RAG1: variants seen among roughly 807,000 people sequenced by gnomAD.
RAG1 encodes V(D)J recombination-activating protein 1.
A neutral mutation model predicts 62.7 loss-of-function variants in RAG1; 35 were observed. The ratio of observed to expected loss-of-function variants is 0.56; its 90% confidence interval spans 0.43 to 0.74. The LOEUF is 0.74. Among genes scored for constraint, RAG1 ranks in the 30% least tolerant of loss-of-function variants. The probability of loss-of-function intolerance (pLI) is 0.00; values close to 1 mark genes in which losing one functional copy is unlikely to be tolerated. For missense variants in RAG1, 1,169 were observed against 1,278.6 expected (o/e 0.91, Z 1.31); for synonymous variants, 461 against 470.3 (o/e 0.98, Z 0.26).
intron 3 of RAG1, among the ~76,000 whole-genome samples, chr11:36,561,411 G>A (rs1011708360): frequency 1.3e-5 from 2 of 152,178 alleles, no homozygotes; most frequent in Admixed American, 1.3e-4. Context: ...TCACAATCTC[G>A]TTAGCTCTTT....
In RAG1 at chr11:36,557,819, T is replaced by C. The variant is rs193238281; in HGVS notation, c.-411-5566T>C. Among the ~76,000 whole-genome samples the C allele has an allele frequency of 2.0e-5, 3 of 152,354 alleles. No individual in the cohort carries two copies. In the East Asian group the frequency reaches 5.8e-4, roughly 29 times the overall value. On this transcript the variant is annotated intron_variant and NMD_transcript_variant, in intron 3 of 9. Coordinates refer to the RAG1 transcript ENST00000534663. ...TATGTATCCTCAAGTTTTGTTCAAG[T>C]TGGAAACCACTGCATTTTGTCTTTT...
At chr11:36,571,593 G>A (rs1047439600) in intron 1 of RAG1, among the ~76,000 whole-genome samples, 4 of 152,080 alleles carry the variant, frequency 2.6e-5, no homozygotes, top group Non-Finnish European at 4.4e-5. Flanking sequence ...TTAGAAATTT[G>A]CTTTTAATTT....
chr11:36,513,799 T>A (rs999924417), intron 1 of RAG1, among the ~76,000 whole-genome samples: 1 of 152,136 alleles, frequency 6.6e-6, no homozygotes, highest in African/African-American at 2.4e-5. Flanking sequence ...AACCATCAGA[T>A]CTTGTGAGAC....
upstream of RAG1, among the ~76,000 whole-genome samples, chr11:36,563,662 T>C (rs1044791519): frequency 6.6e-6 from 1 of 152,202 alleles, no homozygotes; most frequent in Non-Finnish European, 1.5e-5. Context: ...AATTTAGCAA[T>C]TGTTCTCATT....
intron 3 of RAG1, among the ~76,000 whole-genome samples, chr11:36,541,106 G>A (rs76489063): frequency 0.025 from 3,786 of 152,312 alleles, 133 homozygotes; most frequent in African/African-American, 0.076. Context: ...TAGACAAATA[G>A]CAGGTGAGGA....
intron 1 of RAG1, among the ~76,000 whole-genome samples, chr11:36,571,739 C>T (rs768672996): frequency 1.3e-5 from 2 of 152,000 alleles, no homozygotes; most frequent in Non-Finnish European, 2.9e-5. Flanking sequence ...CTCAGCCTCC[C>T]GAGTAGCTGG....
intron 1 of RAG1, among the ~76,000 whole-genome samples, chr11:36,570,704 A>G (rs907656678): frequency 2.0e-5 from 3 of 152,182 alleles, no homozygotes; most frequent in Admixed American, 6.5e-5. Flanking sequence ...TCATTTGGAT[A>G]CAATCTATTT....
At chr11:36,564,873 G>A (rs564078961), upstream of RAG1, among the ~76,000 whole-genome samples, 1 of 152,120 alleles carries the variant, frequency 6.6e-6, no homozygotes, top group Non-Finnish European at 1.5e-5. Flanking sequence ...TTTCTTTACC[G>A]TCTAAGATGC....
At chr11:36,542,698 CAG>C (rs1329386385) in intron 3 of RAG1, among the ~76,000 whole-genome samples, 5 of 152,126 alleles carry the variant, frequency 3.3e-5, no homozygotes, top group South Asian at 4.1e-4. Context: ...GTACAGAAAA[CAG>C]GGGACTTTCA....
In RAG1 at chr11:36,531,523, T is replaced by C. The variant is rs534862315; in HGVS notation, n.429-4436T>C. 2.6e-5 allele frequency among the ~76,000 whole-genome samples: 4 copies of C among 152,068 alleles called. No homozygotes were observed. In the East Asian group the frequency reaches 7.7e-4, roughly 29 times the overall value. ...CTCTAGGCATTACATTATATATATGTATATATATGATTTATATAAACAGTC... is the reference window on the plus strand; with the variant it reads ...CTCTAGGCATTACATTATATATATGCATATATATGATTTATATAAACAGTC... On this transcript the variant is annotated intron_variant and non_coding_transcript_variant, in intron 2 of 2. Transcript: ENST00000529126.
downstream of RAG1, among the ~76,000 whole-genome samples, chr11:36,540,818 T>A (rs1189894348): frequency 6.6e-6 from 1 of 152,244 alleles, no homozygotes; most frequent in Admixed American, 6.5e-5. Flanking sequence ...TCTTCCCAAA[T>A]AAAATCTTAC....
rs1850821207 is a variant in RAG1 at position 36,575,103 on chromosome 11, A to C, written c.1799A>C (p.Glu600Ala). ...GGCCCCTTCACTGTGGTGGTGAAGG[A>C]GTCTTGTGATGGAATGGGAGACGTG... is the stretch of plus-strand genomic sequence containing the variant. ...LNGPFTVVVK[E>A]SCDGMGDVSE... Residue 600 changes from glutamate to alanine, a missense_variant, in exon 2 of 2, where the codon GAG (glutamate) becomes GCG (alanine). Coordinates refer to ENST00000299440, the MANE Select transcript of RAG1 (RefSeq NM_000448.3). This position sits in a 1 kb window ranked among gnomAD's most constrained non-coding sequence, Gnocchi z 4.1. The C allele has an allele frequency of 1.2e-6, 2 of 1,614,044 alleles. No homozygotes were observed. The highest frequency in any genetic ancestry group is 2.7e-5 in the African/African-American group (2 of 74,930).
At chr11:36,540,305 C>T (rs947033053), downstream of RAG1, among the ~76,000 whole-genome samples, 8 of 152,144 alleles carry the variant, frequency 5.3e-5, no homozygotes, top group East Asian at 1.9e-4. Flanking sequence ...TTTTACTCAC[C>T]GATGTCACTT....
downstream of RAG1, among the ~76,000 whole-genome samples, chr11:36,537,350 G>T (rs937611238): frequency 3.9e-5 from 6 of 152,136 alleles, no homozygotes; most frequent in African/African-American, 1.4e-4. Context: ...ATTTTCGGAG[G>T]TGATAAACAT....
chr11:36,540,644 G>C (rs1860402835), downstream of RAG1, among the ~76,000 whole-genome samples: 2 of 152,166 alleles, frequency 1.3e-5, no homozygotes, highest in Non-Finnish European at 2.9e-5. Context: ...CTGACCTCGT[G>C]ATCTGCCCTC....
Position 36,574,232 on chromosome 11 carries a change from C to T in RAG1, c.928C>T (p.His310Tyr). ...TGACCCTGTGGAGACCAACTGTAAG[C>T]ATGTCTTTTGCCGGGTCTGCATTCT... ...LADPVETNCK[H>Y]VFCRVCILRC... Residue 310 changes from histidine (H) to tyrosine (Y), a missense_variant, in exon 2 of 2, where the codon CAT becomes TAT. His to Tyr is a moderately conservative substitution (Grantham distance 83). Around this residue, in one of 2 missense-constraint regions of RAG1, gnomAD observed 800 missense variants for 943.3 expected, o/e 0.85. Transcript: ENST00000299440. The T allele has an allele frequency of 6.2e-7, 1 of 1,614,164 alleles. No individual in the cohort carries two copies. Among genetic ancestry groups the T allele is most frequent in the South Asian group, 1.1e-5 (1 of 91,068 alleles).
intron 2 of RAG1, among the ~76,000 whole-genome samples, chr11:36,525,712 G>A (rs1860151429): frequency 1.3e-5 from 2 of 152,012 alleles, no homozygotes; most frequent in South Asian, 4.1e-4. Context: ...CATTTTCATT[G>A]CTAGTATATT....
In RAG1 at chr11:36,575,624, G is replaced by A. The variant is rs104894282; in HGVS notation, c.2320G>A (p.Glu774Lys). 1.2e-6 allele frequency: 2 copies of A among 1,614,130 alleles called. No homozygotes were observed. Among genetic ancestry groups the A allele is most frequent in the African/African-American group, 2.7e-5 (2 of 74,940 alleles). Residue 774 changes from glutamate to lysine, a missense_variant, in exon 2 of 2, where the codon GAA (glutamate) becomes AAA (lysine). Glu to Lys is a moderately conservative substitution (Grantham distance 56, BLOSUM62 1). Around this residue, in one of 2 missense-constraint regions of RAG1, gnomAD observed 800 missense variants for 943.3 expected, o/e 0.85. Coordinates refer to ENST00000299440, the MANE Select transcript of RAG1 (RefSeq NM_000448.3). The surrounding 1 kb of genome is among the most constrained non-coding windows in gnomAD (Gnocchi z 4.1). ...CAACCCTTACCATGAGTCTGTGGAA[G>A]AACTGCGGGATCGGGTGAAAGGGGT... is the stretch of plus-strand genomic sequence containing the variant. ...RSNPYHESVE[E>K]LRDRVKGVSA...
At chr11:36,542,741 C>T (rs73451247) in intron 3 of RAG1, among the ~76,000 whole-genome samples, 11,348 of 152,076 alleles carry the variant, frequency 0.075, 459 homozygotes, top group African/African-American at 0.081. Flanking sequence ...CACATGCAGG[C>T]AATAAAGCTT....
Sources: gnomAD v4.1 joint callset for allele counts (sites outside exome capture counted in the v4.1 genomes callset) on GRCh38, gnomAD v4.1.1 for gene constraint, gnomAD v4.1.1 regional missense constraint, Gnocchi (gnomAD v3.1) non-coding constraint, MANE v1.5 for transcripts, NCBI Gene and HGNC (gene_info 2026-07-23, HGNC 2026-07-21) for gene names.